Variants in ANO2 observed in about 807,000 individuals in gnomAD.
The protein encoded by ANO2 is anoctamin-2.
A neutral mutation model predicts 124.2 loss-of-function variants in ANO2; 101 were observed. The ratio of observed to expected loss-of-function variants is 0.81; its 90% CI spans 0.69 to 0.96. The LOEUF is 0.96. ANO2 is among the 40% of genes least tolerant of loss of function. The pLI is 0.00. For synonymous variants in ANO2, 486 were observed against 482.5 expected (o/e 1.01, Z -0.09); for missense variants, 1,293 against 1,274.5 (o/e 1.01, Z -0.22).
chr12:5,832,387 G>C (rs1591669829), intron 5 of ANO2, 65 bp downstream of exon 5: 1 of 1,591,386 alleles, frequency 6.3e-7, no homozygotes, highest in East Asian at 2.2e-5. Context: ...CTGAGTCATA[G>C]AACAGTATTC....
chr12:5,780,697 C>T (rs909926425), intron 10 of ANO2, among the ~76,000 whole-genome samples: 4 of 152,258 alleles, frequency 2.6e-5, no homozygotes, highest in South Asian at 4.2e-4. Flanking sequence ...GGATCCTTCG[C>T]TTGTAAACAC....
chr12:5,600,048 A>G (rs1943858153), intron 19 of ANO2, among the ~76,000 whole-genome samples: 1 of 152,216 alleles, frequency 6.6e-6, no homozygotes, highest in African/African-American at 2.4e-5. Context: ...CATTAATAGC[A>G]TCATCTTTCC....
At chr12:5,923,059 CATACACACACACAT>C in intron 1 of ANO2, among the ~76,000 whole-genome samples, 1 of 133,202 alleles carries the variant, frequency 7.5e-6, no homozygotes, top group Admixed American at 7.4e-5. Context: ...CACACACCCA[CATACACACACACAT>C]GCACACATAC....
Position 5,578,407 on chromosome 12 carries a change from G to A in ANO2, c.2345C>T (p.Thr782Ile), listed in dbSNP as rs755166686. Residue 782 changes from threonine (T) to isoleucine (I), a missense_variant, in exon 21 of 25, where the codon ACA becomes ATA. Physicochemically the swap from Thr to Ile is moderately conservative, Grantham distance 89. Transcript: ENST00000682330. ...TACAGCATCCGGCCGTCTCAGCTCT[G>A]TAACAAACTTCTTTGCATCGAGCCG... ...EVRLDAKKFV[T>I]ELRRPDAVRT... is the part of the protein sequence containing the mutation. The A allele has an allele frequency of 9.9e-6, 16 of 1,613,872 alleles. No individual in the cohort carries two copies. In the East Asian group the frequency reaches 2.7e-4, roughly 27 times the overall value.
At chr12:5,630,524 T>C (rs1945664202) in intron 16 of ANO2, among the ~76,000 whole-genome samples, 1 of 152,302 alleles carries the variant, frequency 6.6e-6, no homozygotes, top group Non-Finnish European at 1.5e-5. Flanking sequence ...GCCTTATTCA[T>C]CTCAATAAGA....
At chr12:5,677,402 G>A (rs1377984449) in intron 14 of ANO2, among the ~76,000 whole-genome samples, 1 of 152,200 alleles carries the variant, frequency 6.6e-6, no homozygotes, top group Admixed American at 6.5e-5. Context: ...TGGAGCTGAT[G>A]TCCTCCTTCA....
intron 14 of ANO2, among the ~76,000 whole-genome samples, chr12:5,673,049 C>T (rs1948085935): frequency 6.6e-6 from 1 of 152,214 alleles, no homozygotes; most frequent in African/African-American, 2.4e-5. Context: ...TCTCCACTCC[C>T]CATAGGTAAC....
chr12:5,905,814 G>T lies in ANO2; in HGVS notation c.534+15226C>A, dbSNP rs577560267. On this transcript the variant is annotated intron_variant, in intron 3 of 24. Transcript: ENST00000682330. ...CAAAAAAAATCTGCTAACACCCCAG[G>T]GCTCAACCTCTTTCCCCAACAGGTC... Among the ~76,000 whole-genome samples the T allele has an allele frequency of 7.4e-4, 113 of 152,196 alleles. 1 individual carries two copies. In the Middle Eastern group the frequency reaches 0.01, roughly 14 times the overall value.
chr12:5,894,196 T>C (rs1445037756), intron 3 of ANO2, among the ~76,000 whole-genome samples: 1 of 152,256 alleles, frequency 6.6e-6, no homozygotes, highest in African/African-American at 2.4e-5. Flanking sequence ...TGGTGTGAGA[T>C]GGTATCTCAT....
chr12:5,606,062 A>C (rs933871053), intron 19 of ANO2, among the ~76,000 whole-genome samples: 1 of 152,116 alleles, frequency 6.6e-6, no homozygotes. Context: ...CGGTGACCCC[A>C]TTTTACTGCC....
intron 14 of ANO2, among the ~76,000 whole-genome samples, chr12:5,696,003 GA>G (rs1347017445): frequency 2.0e-5 from 3 of 151,708 alleles, no homozygotes; most frequent in African/African-American, 7.3e-5. Context: ...GTTACAGGGG[GA>G]AAAAATAGTA....
At chr12:5,774,935 C>T (rs1460116805) in intron 10 of ANO2, among the ~76,000 whole-genome samples, 1 of 152,212 alleles carries the variant, frequency 6.6e-6, no homozygotes, top group African/African-American at 2.4e-5. Context: ...CCCTTTCCTC[C>T]ACCAAGCAAG....
chr12:5,585,018 A>T (rs971162940), intron 20 of ANO2, among the ~76,000 whole-genome samples: 3 of 152,094 alleles, frequency 2.0e-5, no homozygotes, highest in Non-Finnish European at 4.4e-5. Flanking sequence ...GAAGATGGAC[A>T]TGGAAACAAT....
At chr12:5,608,970 T>G (rs995328149) in intron 19 of ANO2, 7 of 152,192 alleles carry the variant, frequency 4.6e-5, no homozygotes, top group African/African-American at 1.7e-4. Flanking sequence ...AAGGCTGGTG[T>G]TTTTCCCAGA....
intron 15 of ANO2, among the ~76,000 whole-genome samples, chr12:5,638,555 T>C (rs1382783681): frequency 6.7e-6 from 1 of 149,464 alleles, no homozygotes; most frequent in African/African-American, 2.5e-5. Context: ...ATTTTCTTTA[T>C]TAAGTTCAAT....
chr12:5,617,674 C>T (rs557097101), intron 16 of ANO2, among the ~76,000 whole-genome samples: 2 of 151,968 alleles, frequency 1.3e-5, no homozygotes, highest in South Asian at 4.2e-4. Context: ...CAGATTACGT[C>T]GTACCGCACT....
chr12:5,610,723 CAT>C (rs377499491), intron 19 of ANO2, among the ~76,000 whole-genome samples: 2,090 of 116,886 alleles, frequency 0.018, 86 homozygotes, highest in Non-Finnish European at 0.026. Context: ...CACATATATA[CAT>C]ATATATATAT....
chr12:5,722,845 GGCT>G (rs2137054322), intron 14 of ANO2, among the ~76,000 whole-genome samples: 1 of 152,264 alleles, frequency 6.6e-6, no homozygotes, highest in South Asian at 2.1e-4. Context: ...TGCTAGCTCC[GGCT>G]GCTTTTAAGG....
At chr12:5,889,179 G>C (rs57327282) in intron 3 of ANO2, among the ~76,000 whole-genome samples, 1 of 151,976 alleles carries the variant, frequency 6.6e-6, no homozygotes, top group Admixed American at 6.6e-5. Flanking sequence ...CCCAGAACTC[G>C]CGCTGGCCCC....
Sources: gnomAD v4.1 joint callset for allele counts (sites outside exome capture counted in the v4.1 genomes callset) on GRCh38, gnomAD v4.1.1 for gene constraint, MANE v1.5 for transcripts, NCBI Gene and HGNC (gene_info 2026-07-23, HGNC 2026-07-21) for gene names.